The following TBL3 variants were observed in gnomAD, a reference collection of about 807,000 sequenced individuals.
The protein encoded by TBL3 is transducin beta like 3, also known as transducin beta-like protein 3.
In TBL3, 71 loss-of-function variants were observed where a neutral mutation model predicts 102.7. The observed-to-expected ratio is 0.69, with a 90% confidence interval of 0.57 to 0.84. The LOEUF is 0.84. TBL3 is among the 40% of genes least tolerant of loss of function. TBL3 has a pLI of 0.00. For missense variants in TBL3, 1,188 were observed against 1,098.5 expected (o/e 1.08, Z -1.15); for synonymous variants, 578 against 477.7 (o/e 1.21, Z -2.74).
At chr16:1,975,311 C>T (rs1203767718) in intron 8 of TBL3, 34 bp from the exon 9 acceptor site, 2 of 1,613,790 alleles carry the variant, frequency 1.2e-6, no homozygotes, top group Non-Finnish European at 1.7e-6. Flanking sequence ...GGGGAGGGGG[C>T]ATGATAGCAG....
In TBL3 at chr16:1,978,807, A is replaced by C; in HGVS notation, c.*122A>C. The C allele has an allele frequency of 7.5e-7, 1 of 1,331,114 alleles. No individual in the cohort carries two copies. Among genetic ancestry groups the C allele is most frequent in the Non-Finnish European group, 1.0e-6 (1 of 973,674 alleles). 82.5% of individuals were successfully genotyped at this position (1,331,114 alleles called of 1,614,324 possible). ...CCCCACCCTGGCCAACACCCTACCTAGCCAGCCAGAAGGGCACTGGAGCTG... is the reference window on the plus strand; with the variant it reads ...CCCCACCCTGGCCAACACCCTACCTCGCCAGCCAGAAGGGCACTGGAGCTG... On this transcript the variant is annotated 3_prime_UTR_variant, in exon 22 of 22. Coordinates refer to ENST00000568546, the MANE Select transcript of TBL3 (RefSeq NM_006453.3).
chr16:1,976,390 G>T lies in TBL3; in HGVS notation c.1292+76G>T, dbSNP rs2083402280. 21 of 1,313,114 alleles carry T rather than the reference G, an allele frequency of 1.6e-5. No individual in the cohort carries two copies. In the East Asian group the frequency reaches 2.5e-4, roughly 15 times the overall value. The allele number at this position is 1,313,114 out of a possible 1,614,324, so 81.3% of individuals were successfully genotyped here. A position where few individuals can be genotyped will look rare whatever the true frequency, so the allele number is the denominator to read the frequency against. On this transcript the variant is annotated intron_variant, in intron 13 of 21. Transcript: ENST00000568546. ...CCTGCCAGCAGGGCTGCCGCTCAGG[G>T]AGCTGGGGAGGCAGTGGCAGCTTTG...
At position 1,978,419 on chromosome 16, in the gene TBL3, G is replaced by GC; in HGVS notation, c.2242dup (p.Leu748ProfsTer11). 1.2e-6 allele frequency: 2 copies of GC among 1,611,170 alleles called. No individual in the cohort carries two copies. Among genetic ancestry groups the GC allele is most frequent in the Non-Finnish European group, 1.7e-6 (2 of 1,178,902 alleles). On this transcript the variant is annotated frameshift_variant, in exon 21 of 22. Coordinates refer to ENST00000568546, the MANE Select transcript of TBL3 (RefSeq NM_006453.3). LOFTEE classifies it high-confidence loss of function. Reference sequence around the variant, plus strand: ...TGAGGCGAGAGGCCCCCGAGGAGCTGCTGGCCTACGAAGGCGTGCGGGCAG... The same window carrying GC: ...TGAGGCGAGAGGCCCCCGAGGAGCTGCCTGGCCTACGAAGGCGTGCGGGCAG...
Position 1,979,139 on chromosome 16 carries a change from T to A in TBL3, c.*454T>A. 3 of 1,457,812 alleles carry A rather than the reference T, an allele frequency of 2.1e-6. No individual in the cohort carries two copies. The highest frequency in any genetic ancestry group is 3.0e-5 in the African/African-American group (2 of 66,834). The allele number at this position is 1,457,812 out of a possible 1,614,324, so 90.3% of individuals were successfully genotyped here. On this transcript the variant is annotated 3_prime_UTR_variant, in exon 22 of 22. Transcript: ENST00000568546. Reference sequence around the variant, plus strand: ...GTGGGCGCCGCTCCAGGGCCCTGCGTGTGACGGTGCAGCAGCGGCTCTGGA... The same window carrying A: ...GTGGGCGCCGCTCCAGGGCCCTGCGAGTGACGGTGCAGCAGCGGCTCTGGA...
In TBL3 at chr16:1,980,796, C is replaced by T. The variant is rs1428351186; in HGVS notation, c.*2111C>T. ...CTGTGCACCCTTGAGAGGGCGGGGT[C>T]CCTCACCCGGATGGCAGGGGCTGGG... is the stretch of plus-strand genomic sequence containing the variant. On this transcript the variant is annotated 3_prime_UTR_variant, in exon 22 of 22. Coordinates refer to ENST00000568546, the MANE Select transcript of TBL3 (RefSeq NM_006453.3). The T allele has an allele frequency of 2.6e-6, 4 of 1,515,268 alleles. No individual in the cohort carries two copies. The highest frequency in any genetic ancestry group is 3.6e-6 in the Non-Finnish European group (4 of 1,111,012). 93.9% of individuals were successfully genotyped at this position (1,515,268 alleles called of 1,614,324 possible).
rs774305901 is a variant in TBL3, at chr16:1,978,479, G to A, written c.2293+8G>A. The A allele has an allele frequency of 1.3e-6, 2 of 1,595,802 alleles. No individual in the cohort carries two copies. The highest frequency in any genetic ancestry group is 1.7e-6 in the Non-Finnish European group (2 of 1,169,394). ...CCCTGCTGCCCTACACTGGTATGTG[G>A]GCACAGCCTGGGGTTGGGGGATCCT... On this transcript the variant is annotated splice_region_variant and intron_variant, in intron 21 of 21. Transcript: ENST00000568546.
At position 1,978,212 on chromosome 16, in the gene TBL3, A is replaced by T; in HGVS notation, c.2126A>T (p.Asp709Val). 1.2e-6 allele frequency: 2 copies of T among 1,612,808 alleles called. No individual in the cohort carries two copies. Among genetic ancestry groups the T allele is most frequent in the Non-Finnish European group, 1.7e-6 (2 of 1,179,932 alleles). The change falls in exon 20 of 22, where the codon GAC becomes GTC. Residue 709 changes from aspartate to valine, a missense_variant. Transcript: ENST00000568546. ...GCCACCATGCTCCGACTGCGGCGCG[A>T]CCAGAAAGGTTGGCGGCCAGTCAGG... ...LEATMLRLRRDQKEALLRFCV... is the reference protein window; with the variant it reads ...LEATMLRLRRVQKEALLRFCV...
rs2083457048 is a variant in TBL3, at chr16:1,979,631, T to C, written c.*946T>C. The C allele has an allele frequency of 2.2e-6, 3 of 1,340,288 alleles. No individual in the cohort carries two copies. Among genetic ancestry groups the C allele is most frequent in the African/African-American group, 1.4e-5 (1 of 69,508 alleles). 83.0% of individuals were successfully genotyped at this position (1,340,288 alleles called of 1,614,324 possible). On this transcript the variant is annotated 3_prime_UTR_variant, in exon 22 of 22. Coordinates refer to ENST00000568546, the MANE Select transcript of TBL3 (RefSeq NM_006453.3). ...TCTCCACATTCTCCTTGCTTGAGTC[T>C]GCTGACGGCGGGGCCGCTCTAAGAC...
At position 1,976,729 on chromosome 16, in the gene TBL3, G is replaced by A. The variant is rs911969974; in HGVS notation, c.1293-85G>A. The A allele has an allele frequency of 8.3e-6, 13 of 1,557,084 alleles. No individual in the cohort carries two copies. The African/African-American group carries it at 1.6e-4, about 19-fold the overall frequency. Reference sequence around the variant, plus strand: ...GACAGGCCCCGTGGTCTGGACCGTGGGCTCCCAGCCTGGCCCTGTGGGGAG... The same window carrying A: ...GACAGGCCCCGTGGTCTGGACCGTGAGCTCCCAGCCTGGCCCTGTGGGGAG... On this transcript the variant is annotated intron_variant, in intron 13 of 21. Transcript: ENST00000568546.
intron 14 of TBL3, 33 bp downstream of exon 14, chr16:1,976,994 C>T: frequency 1.2e-6 from 2 of 1,612,890 alleles, no homozygotes; most frequent in Middle Eastern, 1.7e-4. Flanking sequence ...GGGGGTGTGG[C>T]CAAGCCCTTG....
chr16:1,976,737 G>T (rs1220929805), intron 13 of TBL3, 77 bp from the exon 14 acceptor site: 31 of 1,578,826 alleles, frequency 2.0e-5, no homozygotes, highest in Non-Finnish European at 2.2e-5. Context: ...TGGGCTCCCA[G>T]CCTGGCCCTG....
chr16:1,978,737 G>C lies in TBL3; in HGVS notation c.*52G>C. On this transcript the variant is annotated 3_prime_UTR_variant, in exon 22 of 22. Transcript: ENST00000568546. Reference sequence around the variant, plus strand: ...CTGAACCCCTGGAAAACCCATAAAGGCCGCTCTCCTGGCCGGCTCTGTCTC... The same window carrying C: ...CTGAACCCCTGGAAAACCCATAAAGCCCGCTCTCCTGGCCGGCTCTGTCTC... The C allele has an allele frequency of 6.3e-7, 1 of 1,578,436 alleles. No homozygotes were observed. Among genetic ancestry groups the C allele is most frequent in the Non-Finnish European group, 8.6e-7 (1 of 1,156,748 alleles).
Position 1,978,701 on chromosome 16 carries a change from T to C in TBL3, c.*16T>C. 6.2e-7 allele frequency: 1 copy of C among 1,600,734 alleles called. No homozygotes were observed. Among genetic ancestry groups the C allele is most frequent in the Non-Finnish European group, 8.5e-7 (1 of 1,170,800 alleles). On this transcript the variant is annotated 3_prime_UTR_variant, in exon 22 of 22. Coordinates refer to ENST00000568546, the MANE Select transcript of TBL3 (RefSeq NM_006453.3). The stretch of plus-strand genomic sequence containing the variant: ...ACTGCCCTAGCCGGTCCGGCCTCTC[T>C]CCAGTCCATCCTGAACCCCTGGAAA...
Position 1,978,625 on chromosome 16 carries a change from G to T in TBL3, c.2367G>T (p.Lys789Asn). 3 of 1,612,736 alleles carry T rather than the reference G, an allele frequency of 1.9e-6. No homozygotes were observed. Among genetic ancestry groups the T allele is most frequent in the Non-Finnish European group, 2.5e-6 (3 of 1,179,860 alleles). ...AFLDFLWHNMKLPVPAAAPTP... is the reference protein window; with the variant it reads ...AFLDFLWHNMNLPVPAAAPTP... ...TGGACTTCCTGTGGCACAACATGAAGCTCCCTGTGCCGGCCGCCGCCCCCA... is the reference window on the plus strand; with the variant it reads ...TGGACTTCCTGTGGCACAACATGAATCTCCCTGTGCCGGCCGCCGCCCCCA... Residue 789 changes from lysine (K) to asparagine (N), a missense_variant, in exon 22 of 22, where the codon AAG becomes AAT. Lys to Asn is a moderately conservative substitution (Grantham distance 94, BLOSUM62 0). Coordinates refer to ENST00000568546, the MANE Select transcript of TBL3 (RefSeq NM_006453.3).
chr16:1,980,985 C>T lies in TBL3; in HGVS notation c.*2300C>T, dbSNP rs774842697. On this transcript the variant is annotated 3_prime_UTR_variant, in exon 22 of 22. Transcript: ENST00000568546. Reference sequence around the variant, plus strand: ...CCAACTCCTGCGCACGAAGGTGTCGCTGCCGTCTGACCAGCGCACAGAGAA... The same window carrying T: ...CCAACTCCTGCGCACGAAGGTGTCGTTGCCGTCTGACCAGCGCACAGAGAA... 6.8e-6 allele frequency: 11 copies of T among 1,613,158 alleles called. No individual in the cohort carries two copies. The Admixed American group carries it at 8.3e-5, about 12-fold the overall frequency.
In TBL3 at chr16:1,976,255, G is replaced by T; in HGVS notation, c.1233G>T (p.Val411=). 6.2e-7 allele frequency: 1 copy of T among 1,614,170 alleles called. No homozygotes were observed. The highest frequency in any genetic ancestry group is 8.5e-7 in the Non-Finnish European group (1 of 1,180,040). Residue 411 remains valine (V), a synonymous_variant, in exon 13 of 22, where the codon GTG becomes GTT. Coordinates refer to ENST00000568546, the MANE Select transcript of TBL3 (RefSeq NM_006453.3). ...GGAGAATGAACAAGGCTGGCCAGGT[G>T]ATGTGCGTGGCTCAGGGTTCCGGTC... ...RIWRMNKAGQ[V]MCVAQGSGHT...
chr16:1,977,282 A>G lies in TBL3; in HGVS notation c.1669A>G (p.Lys557Glu). The change falls in exon 15 of 22, where the codon AAG (lysine) becomes GAG (glutamate). Residue 557 changes from lysine to glutamate, a missense_variant and splice_region_variant. By Grantham distance (56) the Lys-to-Glu change is moderately conservative. Transcript: ENST00000568546. ...LWALQDFSCL[K>E]TFEGHDASVL... Reference sequence around the variant, plus strand: ...GGCACTCCAGGACTTCAGCTGTCTCAAGGTAAGTGGCGCTCCAGACCCTCC... The same window carrying G: ...GGCACTCCAGGACTTCAGCTGTCTCGAGGTAAGTGGCGCTCCAGACCCTCC... The G allele has an allele frequency of 2.5e-6, 4 of 1,612,586 alleles. No individual in the cohort carries two copies. In the Admixed American group the frequency reaches 6.7e-5, roughly 27 times the overall value.
chr16:1,979,825 T>G lies in TBL3; in HGVS notation c.*1140T>G, dbSNP rs1417107839. 8 of 1,569,306 alleles carry G rather than the reference T, an allele frequency of 5.1e-6. No individual in the cohort carries two copies. The highest frequency in any genetic ancestry group is 6.9e-6 in the Non-Finnish European group (8 of 1,158,936). ...TAGGGACGGGCCTCCCTCCCGGCCT[T>G]GGCCCGGGGCCGCCTCCTCCAGGTA... On this transcript the variant is annotated 3_prime_UTR_variant, in exon 22 of 22. Coordinates refer to ENST00000568546, the MANE Select transcript of TBL3 (RefSeq NM_006453.3).
chr16:1,977,769 G>T lies in TBL3; in HGVS notation c.1927G>T (p.Glu643Ter). The T allele has an allele frequency of 6.4e-7, 1 of 1,556,046 alleles. No individual in the cohort carries two copies. Reference protein sequence around the residue: ...KDVTEAEQAEEQARQEEQVVR... With the variant: ...KDVTEAEQAE ...TGTGACCGAGGCGGAGCAGGCAGAGGAGCAGGCCAGGCAAGAGGAGCAGGT... is the reference window on the plus strand; with the variant it reads ...TGTGACCGAGGCGGAGCAGGCAGAGTAGCAGGCCAGGCAAGAGGAGCAGGT... The change falls in exon 18 of 22, where the codon GAG becomes TAG. Residue 643 changes from glutamate (E) to a stop codon, truncating the protein, a stop_gained. Coordinates refer to ENST00000568546, the MANE Select transcript of TBL3 (RefSeq NM_006453.3). LOFTEE classifies it high-confidence loss of function.
Sources: allele counts gnomAD v4.1 joint callset, GRCh38; gene constraint gnomAD v4.1.1; transcripts MANE v1.5; gene names NCBI Gene and HGNC (gene_info 2026-07-23, HGNC 2026-07-21).